Variants in PAPPA2 observed in about 807,000 individuals in gnomAD.
The protein encoded by PAPPA2 is pappalysin 2.
In PAPPA2, 86 loss-of-function variants were observed where a neutral mutation model predicts 176.4. That is an observed-to-expected ratio of 0.49 (90% CI 0.41 to 0.58). The LOEUF (loss-of-function observed/expected upper bound fraction) is 0.58, where lower values mean the gene tolerates loss of function less well. Ranked by LOEUF, PAPPA2 falls within the 20% of genes least tolerant of loss-of-function variation. The probability of loss-of-function intolerance (pLI) is 0.00; values close to 1 mark genes in which losing one functional copy is unlikely to be tolerated. For synonymous variants in PAPPA2, 809 were observed against 852.2 expected, an observed-to-expected ratio of 0.95 and a Z score of 0.88; for missense variants, 2,073 against 2,256.9, an observed-to-expected ratio of 0.92 and a Z score of 1.65.
chr1:176,635,848 T>C (rs1656669196), intron 3 of PAPPA2, among the ~76,000 whole-genome samples: 1 of 152,138 alleles, frequency 6.6e-6, no homozygotes, highest in South Asian at 2.1e-4. Context: ...AGTTTCATTA[T>C]ATAATAATTT....
chr1:176,753,948 T>C (rs1451114531), intron 14 of PAPPA2, among the ~76,000 whole-genome samples: 2 of 151,560 alleles, frequency 1.3e-5, no homozygotes, highest in Non-Finnish European at 2.9e-5. Context: ...CCCTGGCAGA[T>C]GATGGATGGC....
intron 20 of PAPPA2, among the ~76,000 whole-genome samples, chr1:176,797,976 A>G (rs1042074845): frequency 3.3e-5 from 5 of 152,198 alleles, no homozygotes; most frequent in African/African-American, 1.2e-4. Flanking sequence ...TCGTCTTTCC[A>G]TAAGTCACTG....
intron 12 of PAPPA2, among the ~76,000 whole-genome samples, chr1:176,727,085 G>A (rs1340414205): frequency 6.6e-6 from 1 of 152,078 alleles, no homozygotes. Context: ...AATAACTGTA[G>A]AGGAAAAGTC....
intron 17 of PAPPA2, among the ~76,000 whole-genome samples, chr1:176,784,779 G>T (rs1664859908): frequency 6.6e-6 from 1 of 151,922 alleles, no homozygotes; most frequent in South Asian, 2.1e-4. Flanking sequence ...TAGAGATGGG[G>T]GTTTCACCAT....
chr1:176,828,402 C>T (rs1246904965), intron 21 of PAPPA2, among the ~76,000 whole-genome samples: 1 of 151,878 alleles, frequency 6.6e-6, no homozygotes, highest in East Asian at 1.9e-4. Flanking sequence ...AGGTTTGTTC[C>T]TTATACCGGA....
intron 1 of PAPPA2, among the ~76,000 whole-genome samples, chr1:176,543,105 T>C (rs908540592): frequency 6.6e-6 from 1 of 152,204 alleles, no homozygotes; most frequent in Non-Finnish European, 1.5e-5. Context: ...CTATTTCAGA[T>C]AGAGTGAAAA....
At chr1:176,580,914 C>G (rs1340580532) in intron 2 of PAPPA2, among the ~76,000 whole-genome samples, 2 of 152,108 alleles carry the variant, frequency 1.3e-5, no homozygotes, top group Admixed American at 6.5e-5. Flanking sequence ...ACTATTTTCT[C>G]CCATTCTTTA....
intron 14 of PAPPA2, among the ~76,000 whole-genome samples, chr1:176,754,966 T>A (rs1295611327): frequency 1.3e-5 from 2 of 152,182 alleles, no homozygotes; most frequent in Non-Finnish European, 2.9e-5. Context: ...TGCTTCTCAC[T>A]TTTGTCTACA....
chr1:176,587,930 T>C (rs1653422435), intron 2 of PAPPA2, among the ~76,000 whole-genome samples: 1 of 152,382 alleles, frequency 6.6e-6, no homozygotes, highest in East Asian at 1.9e-4. Context: ...AAATAGTTTT[T>C]TTTCTAATTC....
chr1:176,761,120 C>G (rs1466850934), intron 14 of PAPPA2, among the ~76,000 whole-genome samples: 1 of 152,074 alleles, frequency 6.6e-6, no homozygotes, highest in East Asian at 1.9e-4. Flanking sequence ...CGCACCCGGC[C>G]AAAAACATGT....
At chr1:176,530,030 T>A (rs539889493) in intron 1 of PAPPA2, among the ~76,000 whole-genome samples, 2 of 152,152 alleles carry the variant, frequency 1.3e-5, no homozygotes, top group Non-Finnish European at 2.9e-5. Flanking sequence ...ACACACATTC[T>A]CTCTCTTTCG....
intron 2 of PAPPA2, among the ~76,000 whole-genome samples, chr1:176,586,538 C>A (rs192545227): frequency 2.6e-5 from 4 of 152,140 alleles, no homozygotes; most frequent in Non-Finnish European, 5.9e-5. Flanking sequence ...TGAGAACATG[C>A]GGTGTTTGGT....
At position 176,592,192 on chromosome 1, in the gene PAPPA2, A is replaced by G. The variant is rs76688161; in HGVS notation, c.920-2332A>G. Among the ~76,000 whole-genome samples, 127 of 152,338 alleles carry G rather than the reference A, an allele frequency of 8.3e-4. 1 individual carries two copies. Among genetic ancestry groups the G allele is most frequent in the African/African-American group, 2.8e-3 (116 of 41,592 alleles). On this transcript the variant is annotated intron_variant, in intron 2 of 22. Transcript: ENST00000367662. ...ATGTACTCTATTTTCCTACAGATGAAGTATGAACAATGGTAACAAAGCAAG... is the reference window on the plus strand; with the variant it reads ...ATGTACTCTATTTTCCTACAGATGAGGTATGAACAATGGTAACAAAGCAAG...
intron 8 of PAPPA2, among the ~76,000 whole-genome samples, chr1:176,701,208 C>T (rs1660638699): frequency 6.6e-6 from 1 of 152,136 alleles, no homozygotes; most frequent in African/African-American, 2.4e-5. Context: ...CATTTTGGTC[C>T]TCTTGCTTCA....
At chr1:176,710,542 G>A (rs60864291) in intron 11 of PAPPA2, among the ~76,000 whole-genome samples, 2,815 of 152,120 alleles carry the variant, frequency 0.019, 89 homozygotes, top group African/African-American at 0.065. Flanking sequence ...AAATTCTTGC[G>A]TACATATTTT....
chr1:176,690,380 G>T lies in PAPPA2; in HGVS notation c.2381G>T (p.Gly794Val), dbSNP rs780449067. The T allele has an allele frequency of 3.7e-6, 6 of 1,614,152 alleles. No homozygotes were observed. The South Asian group carries it at 6.6e-5, about 18-fold the overall frequency. ...CCAGAGCCCACTAGTGACACCTGTG[G>T]CTTCACTCGCTTCCCAGGGGCTCCG... is the stretch of plus-strand genomic sequence containing the variant. ...REPEPTSDTC[G>V]FTRFPGAPFT... The change falls in exon 5 of 23, where the codon GGC becomes GTC. Residue 794 changes from glycine (G) to valine (V), a missense_variant. Gly to Val is a moderately radical substitution (Grantham distance 109). Around this residue, in one of 4 missense-constraint regions of PAPPA2, gnomAD observed 1,196 missense variants for 1,330.4 expected, o/e 0.90. Coordinates refer to ENST00000367662, the MANE Select transcript of PAPPA2 (RefSeq NM_020318.3).
chr1:176,532,499 C>T (rs931940330), intron 1 of PAPPA2, among the ~76,000 whole-genome samples: 3 of 152,270 alleles, frequency 2.0e-5, no homozygotes, highest in East Asian at 3.9e-4. Flanking sequence ...CAATTTCATT[C>T]GGAAAAAGGC....
intron 2 of PAPPA2, among the ~76,000 whole-genome samples, chr1:176,580,841 A>G (rs937747068): frequency 6.6e-6 from 1 of 151,390 alleles, no homozygotes; most frequent in Non-Finnish European, 1.5e-5. Context: ...TACTTTTGCC[A>G]TTGAAATGTT....
At chr1:176,731,699 A>G (rs1036034597) in intron 12 of PAPPA2, among the ~76,000 whole-genome samples, 1 of 151,864 alleles carries the variant, frequency 6.6e-6, no homozygotes, top group Non-Finnish European at 1.5e-5. Context: ...ATATGTGTAC[A>G]TATATGTGTA....
Sources: gnomAD v4.1 joint callset for allele counts (sites outside exome capture counted in the v4.1 genomes callset) on GRCh38, gnomAD v4.1.1 for gene constraint, gnomAD v4.1.1 regional missense constraint, MANE v1.5 for transcripts, NCBI Gene and HGNC (gene_info 2026-07-23, HGNC 2026-07-21) for gene names.